Variants in BABAM2 observed in about 807,000 individuals in gnomAD.
BABAM2 encodes the protein BRISC and BRCA1 A complex member 2.
A neutral mutation model predicts 54.7 loss-of-function variants in BABAM2; 31 were observed. The ratio of observed to expected loss-of-function variants is 0.57; its 90% CI spans 0.43 to 0.77. BABAM2 has a LOEUF of 0.77. Among genes scored for constraint, BABAM2 ranks in the 30% least tolerant of loss-of-function variants. The pLI is 0.00. For missense variants in BABAM2, 364 were observed against 455.8 expected, an observed-to-expected ratio of 0.80 and a Z score of 1.83; for synonymous variants, 167 against 162.9, an observed-to-expected ratio of 1.03 and a Z score of -0.19.
At position 28,112,838 on chromosome 2, in the gene BABAM2, G is replaced by C. The variant is rs190528063; in HGVS notation, c.571-16433G>C. Among the ~76,000 whole-genome samples, 17 of 152,200 alleles carry C rather than the reference G, an allele frequency of 1.1e-4. No homozygotes were observed. The East Asian group carries it at 1.9e-3, about 17-fold the overall frequency. ...CACTCTCAACAGTGTAAAAGTGTTC[G>C]TATTTCTCCACATCCTTGCCAGCAT... is the stretch of plus-strand genomic sequence containing the variant. On this transcript the variant is annotated intron_variant, in intron 6 of 11. Coordinates refer to ENST00000379624, the MANE Select transcript of BABAM2 (RefSeq NM_199191.3).
intron 10 of BABAM2, among the ~76,000 whole-genome samples, chr2:28,258,925 C>T (rs1416781753): frequency 3.3e-5 from 5 of 151,390 alleles, no homozygotes; most frequent in Non-Finnish European, 5.9e-5. Context: ...TACAGGCACA[C>T]GCCACCACCC....
chr2:27,977,885 C>T (rs1671709980), intron 3 of BABAM2, among the ~76,000 whole-genome samples: 1 of 152,060 alleles, frequency 6.6e-6, no homozygotes. Context: ...AATTGAAGGG[C>T]TGTGATATTA....
intron 6 of BABAM2, among the ~76,000 whole-genome samples, chr2:28,050,237 G>A (rs1677900020): frequency 6.6e-6 from 1 of 152,172 alleles, no homozygotes; most frequent in African/African-American, 2.4e-5. Flanking sequence ...TTAAGTAATA[G>A]CAATGATAAA....
chr2:28,100,123 G>C (rs71441102), intron 6 of BABAM2, among the ~76,000 whole-genome samples: 3,409 of 151,180 alleles, frequency 0.023, 71 homozygotes, highest in Non-Finnish European at 0.031. Context: ...TAATTGTTTT[G>C]ATTTTTTCTT....
chr2:28,187,517 G>A (rs897474521), intron 7 of BABAM2, among the ~76,000 whole-genome samples: 6 of 152,118 alleles, frequency 3.9e-5, no homozygotes, highest in African/African-American at 1.4e-4. Context: ...GATTCTTTGT[G>A]CTTTGAGTCT....
chr2:28,005,297 T>C (rs1485979883), intron 4 of BABAM2, among the ~76,000 whole-genome samples: 1 of 152,174 alleles, frequency 6.6e-6, no homozygotes, highest in East Asian at 1.9e-4. Flanking sequence ...ATTGTCAACC[T>C]TTTAATACTA....
chr2:28,128,483 A>G (rs1255754940), intron 6 of BABAM2, among the ~76,000 whole-genome samples: 1 of 152,262 alleles, frequency 6.6e-6, no homozygotes, highest in Non-Finnish European at 1.5e-5. Flanking sequence ...TAAATTCCAC[A>G]GTTTTGATTC....
At chr2:28,315,403 C>T (rs964601273) in intron 11 of BABAM2, among the ~76,000 whole-genome samples, 2 of 148,408 alleles carry the variant, frequency 1.3e-5, no homozygotes, top group African/African-American at 5.0e-5. Context: ...TAAGGTATTT[C>T]TTTGTGTGTG....
intron 11 of BABAM2, among the ~76,000 whole-genome samples, chr2:28,334,027 C>T (rs1309055169): frequency 6.6e-6 from 1 of 152,214 alleles, no homozygotes; most frequent in Non-Finnish European, 1.5e-5. Flanking sequence ...CCTCCCACTC[C>T]GTTAACTAAC....
intron 3 of BABAM2, among the ~76,000 whole-genome samples, chr2:27,933,484 T>C (rs1668250876): frequency 6.6e-6 from 1 of 151,940 alleles, no homozygotes; most frequent in African/African-American, 2.4e-5. Context: ...TATATGTATG[T>C]ATATATGTAT....
chr2:27,906,866 A>G (rs1437061097), intron 2 of BABAM2, among the ~76,000 whole-genome samples: 1 of 152,126 alleles, frequency 6.6e-6, no homozygotes. Context: ...TACAATTTTT[A>G]GATAGTATTT....
At chr2:27,986,980 G>C (rs1197404001) in intron 3 of BABAM2, among the ~76,000 whole-genome samples, 1 of 152,154 alleles carries the variant, frequency 6.6e-6, no homozygotes, top group Non-Finnish European at 1.5e-5. Context: ...AGAAGAACTT[G>C]CAATCTAAAT....
At chr2:28,126,077 A>C (rs1210664277) in intron 6 of BABAM2, among the ~76,000 whole-genome samples, 3 of 152,124 alleles carry the variant, frequency 2.0e-5, no homozygotes, top group African/African-American at 7.2e-5. Flanking sequence ...TTACTTTATA[A>C]ATTTCTGTAT....
At chr2:28,178,987 A>G (rs540486130) in intron 7 of BABAM2, among the ~76,000 whole-genome samples, 4 of 152,120 alleles carry the variant, frequency 2.6e-5, no homozygotes, top group East Asian at 1.9e-4. Flanking sequence ...ACAAGATTGA[A>G]TCCGTAATAA....
intron 7 of BABAM2, among the ~76,000 whole-genome samples, chr2:28,158,518 G>A (rs1462776950): frequency 1.3e-5 from 2 of 152,204 alleles, no homozygotes; most frequent in African/African-American, 4.8e-5. Context: ...GGGACTATCT[G>A]CCACCATGCT....
chr2:28,266,277 G>A (rs895049465), intron 10 of BABAM2, among the ~76,000 whole-genome samples: 4 of 152,156 alleles, frequency 2.6e-5, no homozygotes, highest in African/African-American at 4.8e-5. Context: ...ATGAGCCACC[G>A]TACCCAGCCA....
At chr2:28,091,402 T>C (rs1666145276) in intron 6 of BABAM2, among the ~76,000 whole-genome samples, 3 of 152,170 alleles carry the variant, frequency 2.0e-5, no homozygotes, top group Admixed American at 2.0e-4. Flanking sequence ...ATTTTTATTA[T>C]TATAGGGTTG....
intron 7 of BABAM2, among the ~76,000 whole-genome samples, chr2:28,198,674 G>A (rs1677906502): frequency 6.6e-6 from 1 of 152,152 alleles, no homozygotes; most frequent in African/African-American, 2.4e-5. Context: ...GCCTGGGCCT[G>A]TGTTGCCCTT....
At chr2:28,294,528 A>G (rs982348202) in intron 10 of BABAM2, among the ~76,000 whole-genome samples, 1 of 152,234 alleles carries the variant, frequency 6.6e-6, no homozygotes, top group Non-Finnish European at 1.5e-5. Flanking sequence ...TTTACTATGC[A>G]TCAGAAAATC....
Sources: gnomAD v4.1 joint callset for allele counts (sites outside exome capture counted in the v4.1 genomes callset) on GRCh38, gnomAD v4.1.1 for gene constraint, MANE v1.5 for transcripts, NCBI Gene and HGNC (gene_info 2026-07-23, HGNC 2026-07-21) for gene names.